Variants in USO1 observed in about 807,000 individuals in gnomAD.
USO1 encodes USO1 vesicle transport factor, also known as general vesicular transport factor p115.
In USO1, 57 loss-of-function variants were observed where a neutral mutation model predicts 124.5. That is an observed-to-expected ratio of 0.46 (90% CI 0.37 to 0.57). The LOEUF (loss-of-function observed/expected upper bound fraction) is 0.57, where lower values mean the gene tolerates loss of function less well. USO1 is among the 20% of genes least tolerant of loss of function. USO1 has a pLI of 0.00. For synonymous variants in USO1, 369 were observed against 362.8 expected (o/e 1.02, Z -0.19); for missense variants, 900 against 1,040.6 (o/e 0.86, Z 1.86).
In USO1 at chr4:75,801,154, A is replaced by C; in HGVS notation, c.1940A>C (p.Gln647Pro). The C allele has an allele frequency of 6.2e-7, 1 of 1,611,574 alleles. No homozygotes were observed. Among genetic ancestry groups the C allele is most frequent in the Non-Finnish European group, 8.5e-7 (1 of 1,178,886 alleles). ...GAAGAGGTGAAAAAAACATTAGAAC[A>C]GCATGACAATATTGTGACTCACTAC... ...KEEEVKKTLEQHDNIVTHYKN... is the reference protein window; with the variant it reads ...KEEEVKKTLEPHDNIVTHYKN... The change falls in exon 17 of 24, where the codon CAG becomes CCG. Residue 647 changes from glutamine to proline, a missense_variant. By Grantham distance (76) the Gln-to-Pro change is moderately conservative (BLOSUM62 -1). Transcript: ENST00000514213.
intron 10 of USO1, among the ~76,000 whole-genome samples, chr4:75,788,546 T>C (rs1467072328): frequency 7.2e-6 from 1 of 137,984 alleles, no homozygotes. Context: ...TCTTTTCTTT[T>C]CTTTTTTTTT....
rs182419990 is a variant in USO1 at position 75,805,770 on chromosome 4, A to G, written c.2289+467A>G. Among the ~76,000 whole-genome samples, 6 of 152,148 alleles carry G rather than the reference A, an allele frequency of 3.9e-5. No homozygotes were observed. The East Asian group carries it at 5.8e-4, about 15-fold the overall frequency. On this transcript the variant is annotated intron_variant, in intron 19 of 23. Coordinates refer to ENST00000514213, the MANE Select transcript of USO1 (RefSeq NM_003715.4). ...TTAGAGTCAAACTGTTTAAACTTCAATGCTTCCTGGCTCATTGAATTTAAG... is the reference window on the plus strand; with the variant it reads ...TTAGAGTCAAACTGTTTAAACTTCAGTGCTTCCTGGCTCATTGAATTTAAG...
chr4:75,773,701 A>G (rs1365561400), intron 7 of USO1, among the ~76,000 whole-genome samples: 1 of 152,176 alleles, frequency 6.6e-6, no homozygotes, highest in Non-Finnish European at 1.5e-5. Flanking sequence ...GGAGAATTTG[A>G]CATCCAAAAA....
chr4:75,799,880 T>A, intron 14 of USO1, 148 bp downstream of exon 14: 2 of 915,076 alleles, frequency 2.2e-6, no homozygotes, highest in South Asian at 1.8e-5. Flanking sequence ...AAAGTTGTTA[T>A]GATGCTTGTT....
intron 13 of USO1, chr4:75,795,390 C>G (rs1419109351): frequency 5.7e-6 from 4 of 699,720 alleles, no homozygotes; most frequent in Non-Finnish European, 7.8e-6. Flanking sequence ...AGGCATTTTC[C>G]TCTTATAGCA....
intron 1 of USO1, among the ~76,000 whole-genome samples, chr4:75,751,827 C>T (rs900698498): frequency 7.3e-5 from 11 of 150,766 alleles, no homozygotes; most frequent in African/African-American, 2.4e-4. Flanking sequence ...AGCGAGACTT[C>T]GTCTCAAAAA....
Position 75,757,582 on chromosome 4 carries a change from C to T in USO1, c.295+9C>T. On this transcript the variant is annotated intron_variant, in intron 4 of 23. Transcript: ENST00000514213. ...AGAAGAAGAAGAAGTAGGTAAGTTTCCAGTTATTTTTACTGTGTTTTCTGT... is the reference window on the plus strand; with the variant it reads ...AGAAGAAGAAGAAGTAGGTAAGTTTTCAGTTATTTTTACTGTGTTTTCTGT... 2.7e-6 allele frequency: 4 copies of T among 1,481,752 alleles called. No individual in the cohort carries two copies. The highest frequency in any genetic ancestry group is 3.6e-6 in the Non-Finnish European group (4 of 1,115,146). The allele number at this position is 1,481,752 out of a possible 1,614,324, so 91.8% of individuals were successfully genotyped here.
At chr4:75,799,905 G>A (rs1020815667) in intron 14 of USO1, among the ~76,000 whole-genome samples, 173 bp downstream of exon 14, 1 of 150,768 alleles carries the variant, frequency 6.6e-6, no homozygotes, top group Non-Finnish European at 1.5e-5. Flanking sequence ...TTGTGTGTGT[G>A]TGGTTTGTTT....
rs561500144 is a variant in USO1 at position 75,739,335 on chromosome 4, G to A, written c.67-13038G>A. Among the ~76,000 whole-genome samples the A allele has an allele frequency of 5.3e-5, 8 of 151,876 alleles. No homozygotes were observed. The East Asian group carries it at 5.8e-4, about 11-fold the overall frequency. ...CTACTCACTAAAATATATTTGTATC[G>A]CACAAATCAGTACTTTGAGCACTTT... On this transcript the variant is annotated intron_variant, in intron 1 of 23. Coordinates refer to ENST00000514213, the MANE Select transcript of USO1 (RefSeq NM_003715.4).
At chr4:75,809,101 G>A in intron 21 of USO1, 50 bp downstream of exon 21, 1 of 1,520,392 alleles carries the variant, frequency 6.6e-7, no homozygotes, top group East Asian at 2.5e-5. Context: ...CAAGGTTGAT[G>A]TATTATTTCT....
chr4:75,748,944 T>TAA (rs36089746), intron 1 of USO1, among the ~76,000 whole-genome samples: 1 of 151,224 alleles, frequency 6.6e-6, no homozygotes, highest in Non-Finnish European at 1.5e-5. Context: ...TTCTAAGTAG[T>TAA]AAAAAAAATA....
intron 7 of USO1, among the ~76,000 whole-genome samples, chr4:75,773,724 C>G (rs575537861): frequency 3.3e-5 from 5 of 152,110 alleles, no homozygotes; most frequent in Non-Finnish European, 7.4e-5. Context: ...ACTGTTTTCA[C>G]CTTTTTCTCT....
At chr4:75,790,931 A>C in intron 12 of USO1, 134 bp downstream of exon 12, 1 of 1,159,864 alleles carries the variant, frequency 8.6e-7, no homozygotes, top group Non-Finnish European at 1.1e-6. Flanking sequence ...AAACAAAAAC[A>C]CCTGAATTCT....
At chr4:75,750,686 T>C (rs911872917) in intron 1 of USO1, among the ~76,000 whole-genome samples, 1 of 151,984 alleles carries the variant, frequency 6.6e-6, no homozygotes, top group African/African-American at 2.4e-5. Context: ...GGTTTCACCA[T>C]GTTGGCCAGG....
rs770752695 is a variant in USO1, at chr4:75,790,174, A to G, written c.1021A>G (p.Ile341Val). 38 of 1,604,042 alleles carry G rather than the reference A, an allele frequency of 2.4e-5. No homozygotes were observed. The highest frequency in any genetic ancestry group is 3.1e-5 in the Non-Finnish European group (36 of 1,175,138). Residue 341 changes from isoleucine (I) to valine (V), a missense_variant, in exon 11 of 24, where the codon ATT (isoleucine) becomes GTT (valine). Coordinates refer to ENST00000514213, the MANE Select transcript of USO1 (RefSeq NM_003715.4). The stretch of plus-strand genomic sequence containing the variant: ...GACCATAAATACTGTATCAGAAGTT[A>G]TTCGAGGCTGCCAAGTAAACCAAGA... ...TETINTVSEV[I>V]RGCQVNQDYF...
chr4:75,786,990 A>T, intron 9 of USO1, 72 bp from the exon 10 acceptor site: 1 of 1,447,460 alleles, frequency 6.9e-7, no homozygotes, highest in Non-Finnish European at 9.1e-7. Flanking sequence ...TTTCTTGTTC[A>T]CATAGATCAG....
Position 75,782,855 on chromosome 4 carries a change from A to G in USO1, c.852A>G (p.Leu284=), listed in dbSNP as rs1345204907. ...AQKVTNLHLM[L]QLVRVLVSPT... is the part of the protein sequence containing the mutation. The stretch of plus-strand genomic sequence containing the variant: ...AAGTGACCAATCTACATCTAATGCT[A>G]CAGGTATACTATCCTTAGACATAAA... The change falls in exon 9 of 24, where the codon CTA becomes CTG. Residue 284 remains leucine, a synonymous_variant. Transcript: ENST00000514213. 3 of 1,586,070 alleles carry G rather than the reference A, an allele frequency of 1.9e-6. No individual in the cohort carries two copies. The highest frequency in any genetic ancestry group is 2.6e-6 in the Non-Finnish European group (3 of 1,172,032).
At chr4:75,747,517 C>T (rs925951411) in intron 1 of USO1, among the ~76,000 whole-genome samples, 3 of 152,000 alleles carry the variant, frequency 2.0e-5, no homozygotes, top group Non-Finnish European at 2.9e-5. Flanking sequence ...TCAAGCATTC[C>T]TCCCACTTCA....
At chr4:75,755,944 G>A (rs977510359) in intron 3 of USO1, among the ~76,000 whole-genome samples, 2 of 152,098 alleles carry the variant, frequency 1.3e-5, no homozygotes, top group Non-Finnish European at 2.9e-5. Context: ...GCCGAGGTGA[G>A]CGAATCCCAA....
Sources: allele counts gnomAD v4.1 joint callset (sites outside exome capture counted in the v4.1 genomes callset), GRCh38; gene constraint gnomAD v4.1.1; transcripts MANE v1.5; gene names NCBI Gene and HGNC (gene_info 2026-07-23, HGNC 2026-07-21).